Variants in STOX2 observed in about 807,000 individuals in gnomAD.
The protein encoded by STOX2 is storkhead box 2, also known as storkhead-box protein 2.
STOX2 carries 28 observed loss-of-function variants against 60.9 expected under a neutral mutation model. The ratio of observed to expected loss-of-function variants is 0.46; its 90% confidence interval spans 0.34 to 0.63. The LOEUF is 0.63. Among genes scored for constraint, STOX2 ranks in the 30% least tolerant of loss-of-function variants. The probability of loss-of-function intolerance (pLI) is 0.01; values close to 1 mark genes in which losing one functional copy is unlikely to be tolerated. For synonymous variants in STOX2, 472 were observed against 463.9 expected (o/e 1.02, Z -0.22); for missense variants, 1,024 against 1,187.7 (o/e 0.86, Z 2.03).
chr4:183,952,665 A>G (rs919301399), intron 1 of STOX2, among the ~76,000 whole-genome samples: 1 of 152,206 alleles, frequency 6.6e-6, no homozygotes, highest in African/African-American at 2.4e-5. Context: ...TGGAGCACCA[A>G]TTTTGTGATA....
intron 1 of STOX2, among the ~76,000 whole-genome samples, chr4:183,798,281 C>T (rs962137999): frequency 7.3e-5 from 11 of 151,128 alleles, no homozygotes; most frequent in African/African-American, 2.4e-4. Flanking sequence ...CGGTGCGCCG[C>T]CCCCGCCTGC....
At position 183,925,482 on chromosome 4, in the gene STOX2, C is replaced by T. The variant is rs55988934; in HGVS notation, c.166+18526C>T. Among the ~76,000 whole-genome samples, 1,383 of 152,202 alleles carry T rather than the reference C, an allele frequency of 9.1e-3. 13 individuals are homozygous for T. Among genetic ancestry groups the T allele is most frequent in the Non-Finnish European group, 0.013 (857 of 68,016 alleles). ...ACAGGCATGATCCCCCTTCCCCGGCCCCTCCCCCGGCACACTTGCAAAGTT... is the reference window on the plus strand; with the variant it reads ...ACAGGCATGATCCCCCTTCCCCGGCTCCTCCCCCGGCACACTTGCAAAGTT... On this transcript the variant is annotated intron_variant, in intron 1 of 3. Coordinates refer to ENST00000308497, the MANE Select transcript of STOX2 (RefSeq NM_020225.3).
chr4:183,968,137 C>T (rs78694651), intron 1 of STOX2, among the ~76,000 whole-genome samples: 5,213 of 152,202 alleles, frequency 0.034, 276 homozygotes, highest in African/African-American at 0.12. Context: ...GCCCTTTTCC[C>T]TCCCATCTTT....
At chr4:183,817,421 G>A (rs1739178483) in intron 1 of STOX2, among the ~76,000 whole-genome samples, 1 of 152,162 alleles carries the variant, frequency 6.6e-6, no homozygotes. Flanking sequence ...CAGACTATGA[G>A]CTGAAAGACA....
chr4:183,800,572 G>A (rs892792732), intron 1 of STOX2, among the ~76,000 whole-genome samples: 2 of 152,104 alleles, frequency 1.3e-5, no homozygotes, highest in East Asian at 1.9e-4. Context: ...CATATGAAAC[G>A]GCCATAGAGC....
At chr4:183,864,679 C>T (rs1386599473) in intron 1 of STOX2, among the ~76,000 whole-genome samples, 1 of 152,112 alleles carries the variant, frequency 6.6e-6, no homozygotes, top group Non-Finnish European at 1.5e-5. Flanking sequence ...CAGACAAGAG[C>T]CACTGCGCCC....
intron 1 of STOX2, among the ~76,000 whole-genome samples, chr4:183,929,956 C>A (rs560379368): frequency 6.6e-6 from 1 of 151,216 alleles, no homozygotes; most frequent in Non-Finnish European, 1.5e-5. Context: ...CTCCGCCTCC[C>A]GGGTTCACGC....
chr4:184,000,019 C>T (rs1733517924), intron 1 of STOX2, among the ~76,000 whole-genome samples: 1 of 152,208 alleles, frequency 6.6e-6, no homozygotes, highest in Non-Finnish European at 1.5e-5. Context: ...AGAAACTTAA[C>T]AGACCCTGTG....
chr4:184,011,010 C>T lies in STOX2; in HGVS notation c.2172C>T (p.Leu724=). The T allele has an allele frequency of 1.2e-6, 2 of 1,613,438 alleles. No individual in the cohort carries two copies. The highest frequency in any genetic ancestry group is 1.7e-6 in the Non-Finnish European group (2 of 1,179,638). ...ATCACAAGTCGAGCCTGTCCCTCCTCAAATCTCACCCGAAGACACCTGCTG... is the reference window on the plus strand; with the variant it reads ...ATCACAAGTCGAGCCTGTCCCTCCTTAAATCTCACCCGAAGACACCTGCTG... ...NSYHKSSLSL[L]KSHPKTPADT... The change falls in exon 3 of 4, where the codon CTC becomes CTT. Residue 724 remains leucine, a synonymous_variant. Transcript: ENST00000308497. The surrounding 1 kb of genome is among the most constrained non-coding windows in gnomAD (Gnocchi z 4.4).
upstream of STOX2, among the ~76,000 whole-genome samples, chr4:183,903,255 T>TG (rs1332171822): frequency 6.6e-6 from 1 of 152,190 alleles, no homozygotes; most frequent in African/African-American, 2.4e-5. Flanking sequence ...CCTCTTACTG[T>TG]GCTCCAATTT....
intron 1 of STOX2, among the ~76,000 whole-genome samples, chr4:183,978,710 G>C (rs964620950): frequency 9.2e-5 from 14 of 152,196 alleles, no homozygotes; most frequent in Admixed American, 5.2e-4. Flanking sequence ...GTCTCAAAAA[G>C]TTACATGCTA....
chr4:183,967,562 G>A (rs1265012797), intron 1 of STOX2, among the ~76,000 whole-genome samples: 3 of 151,932 alleles, frequency 2.0e-5, no homozygotes, highest in African/African-American at 7.2e-5. Context: ...CCACCCATGG[G>A]TGGTGCTCAC....
chr4:183,958,465 A>G (rs1743321569), intron 1 of STOX2, among the ~76,000 whole-genome samples: 4 of 152,142 alleles, frequency 2.6e-5, no homozygotes, highest in Admixed American at 2.0e-4. Flanking sequence ...TCTTGTATAT[A>G]TATTTATACT....
At chr4:183,833,192 A>C (rs1025874459) in intron 1 of STOX2, among the ~76,000 whole-genome samples, 3 of 152,152 alleles carry the variant, frequency 2.0e-5, no homozygotes, top group African/African-American at 7.2e-5. Flanking sequence ...CGCTTGCAAG[A>C]AGTCAAGTCC....
At chr4:183,939,940 G>A (rs1423657285) in intron 1 of STOX2, among the ~76,000 whole-genome samples, 2 of 152,290 alleles carry the variant, frequency 1.3e-5, no homozygotes, top group East Asian at 1.9e-4. Context: ...ATCTCGCTCT[G>A]TCGCTCAGGC....
chr4:183,807,809 GA>G (rs1212315067), intron 1 of STOX2, among the ~76,000 whole-genome samples: 1 of 152,170 alleles, frequency 6.6e-6, no homozygotes, highest in Non-Finnish European at 1.5e-5. Context: ...ACTGGGAGCT[GA>G]AAAAAGGCGA....
rs1428545320 is a variant in STOX2, at chr4:184,022,310, T to C, written c.*5026T>C. Reference sequence around the variant, plus strand: ...TCAAACAGACATTGGCACCTTCCTATTGAGTTAATTCTCTGCATCTTTTGC... The same window carrying C: ...TCAAACAGACATTGGCACCTTCCTACTGAGTTAATTCTCTGCATCTTTTGC... On this transcript the variant is annotated 3_prime_UTR_variant, in exon 4 of 4. Coordinates refer to ENST00000308497, the MANE Select transcript of STOX2 (RefSeq NM_020225.3). 6.6e-6 allele frequency: 1 copy of C among 152,202 alleles called. No individual in the cohort carries two copies. The highest frequency in any genetic ancestry group is 1.9e-4 in the East Asian group (1 of 5,188). The allele number at this position is 152,202 out of a possible 1,614,324, so 9.4% of individuals were successfully genotyped here.
intron 1 of STOX2, among the ~76,000 whole-genome samples, chr4:183,968,726 C>A (rs1369092303): frequency 1.4e-5 from 1 of 73,648 alleles, no homozygotes; most frequent in Admixed American, 2.2e-4. Flanking sequence ...ATGTTTTTTT[C>A]TTTTCTGAGA....
At chr4:183,931,912 T>C (rs1245265339) in intron 1 of STOX2, among the ~76,000 whole-genome samples, 2 of 152,100 alleles carry the variant, frequency 1.3e-5, no homozygotes, top group East Asian at 1.9e-4. Context: ...TAATAAAAAT[T>C]TGCATTGTGG....
Sources: allele counts gnomAD v4.1 joint callset (sites outside exome capture counted in the v4.1 genomes callset), GRCh38; gene constraint gnomAD v4.1.1; non-coding constraint Gnocchi (gnomAD v3.1); transcripts MANE v1.5; gene names NCBI Gene and HGNC (gene_info 2026-07-23, HGNC 2026-07-21).